The following PDE4A variants were observed in gnomAD, a reference collection of about 807,000 sequenced individuals.
PDE4A encodes phosphodiesterase 4A, also known as 3',5'-cyclic-AMP phosphodiesterase 4A.
Under a neutral mutation model 73.9 loss-of-function variants are expected in PDE4A, and 21 were observed. That is an observed-to-expected ratio of 0.28 (90% CI 0.20 to 0.41). PDE4A has a LOEUF of 0.41. PDE4A is among the 10% of genes least tolerant of loss of function. The probability of loss-of-function intolerance (pLI) is 1.00; values close to 1 mark genes in which losing one functional copy is unlikely to be tolerated. For synonymous variants in PDE4A, 463 were observed against 505.4 expected, an observed-to-expected ratio of 0.92 and a Z score of 1.13; for missense variants, 958 against 1,211.4, an observed-to-expected ratio of 0.79 and a Z score of 3.10.
At chr19:10,420,450 C>A, upstream of PDE4A, 1 of 300,556 alleles carries the variant, frequency 3.3e-6, no homozygotes, top group Non-Finnish European at 4.4e-6. This position sits in a 1 kb window ranked among gnomAD's most constrained non-coding sequence, Gnocchi z 6.0. Flanking sequence ...ACAGCCGCGG[C>A]GGGCGGGGGG....
chr19:10,428,783 T>C (rs2042750112), intron 1 of PDE4A: 1 of 985,240 alleles, frequency 1.0e-6, no homozygotes, highest in African/African-American at 1.7e-5. Flanking sequence ...CTGGGCCCCA[T>C]GGCATCAGAG....
intron 1 of PDE4A, among the ~76,000 whole-genome samples, chr19:10,421,679 C>G (rs903967184): frequency 1.3e-5 from 2 of 152,078 alleles, no homozygotes; most frequent in Non-Finnish European, 2.9e-5. Flanking sequence ...GAGTTCCCCT[C>G]TCAGGGCAAG....
At chr19:10,435,205 C>T (rs1171471971) in intron 1 of PDE4A, among the ~76,000 whole-genome samples, 1 of 152,052 alleles carries the variant, frequency 6.6e-6, no homozygotes, top group African/African-American at 2.4e-5. Context: ...GGTGGGAAGG[C>T]CTAGGGGCCA....
At chr19:10,423,996 A>G (rs746221613) in intron 1 of PDE4A, among the ~76,000 whole-genome samples, 5 of 152,238 alleles carry the variant, frequency 3.3e-5, no homozygotes, top group Non-Finnish European at 4.4e-5. Flanking sequence ...ACCAGGGCAC[A>G]TACAGGATTC....
In PDE4A at chr19:10,458,386, C is replaced by A. The variant is rs74505974; in HGVS notation, c.1101+284C>A. On this transcript the variant is annotated intron_variant, in intron 8 of 14. Coordinates refer to ENST00000380702, the MANE Select transcript of PDE4A (RefSeq NM_001111307.2). This position sits in a 1 kb window ranked among gnomAD's most constrained non-coding sequence, Gnocchi z 4.6. The stretch of plus-strand genomic sequence containing the variant: ...GCTGTGAGCCTTAGCAGGCAACACT[C>A]CCAGCTGCAGAGGGATTGGTGTACA... 5.3e-5 allele frequency among the ~76,000 whole-genome samples: 8 copies of A among 152,214 alleles called. No individual in the cohort carries two copies. The highest frequency in any genetic ancestry group is 1.9e-4 in the African/African-American group (8 of 41,540).
At chr19:10,465,737 G>C (rs552048117) in intron 14 of PDE4A, among the ~76,000 whole-genome samples, 1 of 106,192 alleles carries the variant, frequency 9.4e-6, no homozygotes, top group Admixed American at 1.5e-4. Context: ...TCTCACTCTC[G>C]TTCCCCAGGC....
Position 10,461,439 on chromosome 19 carries a change from G to T in PDE4A, c.1466-87G>T, listed in dbSNP as rs1399574374. 2.6e-6 allele frequency: 4 copies of T among 1,563,512 alleles called. No homozygotes were observed. In the African/African-American group the frequency reaches 4.0e-5, roughly 16 times the overall value. ...AGGCGAGGCTGGCCGGGCTGGGGAG[G>T]GGTTAGCTAGTTGGGGGCGGAGCTG... On this transcript the variant is annotated intron_variant, in intron 11 of 14. Coordinates refer to ENST00000380702, the MANE Select transcript of PDE4A (RefSeq NM_001111307.2).
intron 8 of PDE4A, 39 bp from the exon 9 acceptor site, chr19:10,459,360 GC>G (rs748387358): frequency 3.1e-6 from 5 of 1,614,090 alleles, no homozygotes; most frequent in Non-Finnish European, 4.2e-6. Context: ...AGGGCCCTGA[GC>G]CTTACAGGCT....
chr19:10,459,515 G>T lies in PDE4A; in HGVS notation c.1200+17G>T, dbSNP rs1958083560. 1.2e-6 allele frequency: 2 copies of T among 1,612,392 alleles called. No individual in the cohort carries two copies. The highest frequency in any genetic ancestry group is 1.7e-6 in the Non-Finnish European group (2 of 1,178,574). ...ATATTCCAGGTGATGGGGACAGCTG[G>T]GAGTGGGCCCGGGTGAGGGGCTCAT... On this transcript the variant is annotated intron_variant, in intron 9 of 14. Coordinates refer to ENST00000380702, the MANE Select transcript of PDE4A (RefSeq NM_001111307.2).
intron 2 of PDE4A, among the ~76,000 whole-genome samples, chr19:10,448,411 T>C (rs1386667998): frequency 6.6e-6 from 1 of 151,624 alleles, no homozygotes; most frequent in Admixed American, 6.6e-5. Context: ...CCAAAGTGGG[T>C]AGATTGTTCC....
chr19:10,448,783 C>A, intron 2 of PDE4A, 134 bp from the exon 3 acceptor site: 2 of 1,504,168 alleles, frequency 1.3e-6, no homozygotes, highest in African/African-American at 2.8e-5. Flanking sequence ...TTATGCAGTA[C>A]AAGTGTTCTT....
At chr19:10,464,798 A>T (rs1220216947) in intron 14 of PDE4A, among the ~76,000 whole-genome samples, 3 of 150,996 alleles carry the variant, frequency 2.0e-5, no homozygotes, top group Admixed American at 6.6e-5. Flanking sequence ...GCTCACTGCA[A>T]CCTCCACCTC....
chr19:10,420,917 C>A lies in PDE4A; in HGVS notation c.153C>A (p.Ser51Arg), dbSNP rs768022570. 35 of 1,582,330 alleles carry A rather than the reference C, an allele frequency of 2.2e-5. No individual in the cohort carries two copies. The highest frequency in any genetic ancestry group is 2.3e-5 in the Non-Finnish European group (27 of 1,173,324). ...IRIQQRGYSD[S>R]AERAERERQP... ...TCCAGCAGCGCGGCTACTCCGACAG[C>A]GCGGAGCGCGCCGAGCGGGAGCGGC... The change falls in exon 1 of 15, where the codon AGC (serine) becomes AGA (arginine). Residue 51 changes from serine (S) to arginine (R), a missense_variant. Around this residue, in one of 3 missense-constraint regions of PDE4A, gnomAD observed 145 missense variants for 137.8 expected, o/e 1.05. Coordinates refer to ENST00000380702, the MANE Select transcript of PDE4A (RefSeq NM_001111307.2). The surrounding 1 kb of genome is among the most constrained non-coding windows in gnomAD (Gnocchi z 6.0).
Position 10,450,818 on chromosome 19 carries a change from C to A in PDE4A, c.671-11C>A. On this transcript the variant is annotated splice_polypyrimidine_tract_variant and intron_variant, in intron 5 of 14. Transcript: ENST00000380702. ...CCTTCTCAGTCACTACCCTGGCTGC[C>A]CCTTCCTTAGAAGAAACGTGTCAGC... The A allele has an allele frequency of 6.2e-7, 1 of 1,601,604 alleles. No individual in the cohort carries two copies. The highest frequency in any genetic ancestry group is 8.5e-7 in the Non-Finnish European group (1 of 1,174,336).
chr19:10,447,685 A>G (rs1657593688), intron 2 of PDE4A, among the ~76,000 whole-genome samples: 1 of 152,018 alleles, frequency 6.6e-6, no homozygotes, highest in Non-Finnish European at 1.5e-5. Flanking sequence ...ACTTTATAGC[A>G]TGTCCAGCCA....
chr19:10,467,710 G>A lies in PDE4A; in HGVS notation c.*89G>A, dbSNP rs2043404781. The A allele has an allele frequency of 5.2e-6, 5 of 957,842 alleles. No individual in the cohort carries two copies. Among genetic ancestry groups the A allele is most frequent in the South Asian group, 4.0e-5 (2 of 50,414 alleles). 59.3% of individuals were successfully genotyped at this position (957,842 alleles called of 1,614,324 possible). Reference sequence around the variant, plus strand: ...CTCCTCCTCTGCCTCAAAGACTCTTGTCCTCTTGTCCCTCCTGAGAAAAAA... The same window carrying A: ...CTCCTCCTCTGCCTCAAAGACTCTTATCCTCTTGTCCCTCCTGAGAAAAAA... On this transcript the variant is annotated 3_prime_UTR_variant, in exon 15 of 15. Coordinates refer to ENST00000380702, the MANE Select transcript of PDE4A (RefSeq NM_001111307.2).
rs567073008 is a variant in PDE4A at position 10,465,799 on chromosome 19, C to T, written c.1927-1088C>T. Among the ~76,000 whole-genome samples, 168 of 140,476 alleles carry T rather than the reference C, an allele frequency of 1.2e-3. 2 individuals carry two copies. The highest frequency in any genetic ancestry group is 4.2e-3 in the Middle Eastern group (1 of 236). The allele number at this position is 140,476 out of a possible 152,430, so 92.2% of individuals were successfully genotyped here. A position where few individuals can be genotyped will look rare whatever the true frequency, so the allele number is the denominator to read the frequency against. ...CACTGCAACCTCTGCCTCCCGGGTT[C>T]GAGCCATTGTCCTGCCTCAGCCTCC... On this transcript the variant is annotated intron_variant, in intron 14 of 14. Transcript: ENST00000380702.
At position 10,433,111 on chromosome 19, in the gene PDE4A, G is replaced by A. The variant is rs575074838; in HGVS notation, c.320+12027G>A. On this transcript the variant is annotated intron_variant, in intron 1 of 14. Transcript: ENST00000380702. ...GGCCTTTAAGTTCTCAGAATTCTCA[G>A]GGGTTTCTAGCCTTGTTCTTGCTTT... Among the ~76,000 whole-genome samples, 42 of 152,252 alleles carry A rather than the reference G, an allele frequency of 2.8e-4. No homozygotes were observed. The South Asian group carries it at 8.1e-3, about 29-fold the overall frequency.
chr19:10,430,976 G>A (rs1338049457), intron 1 of PDE4A: 7 of 1,552,716 alleles, frequency 4.5e-6, no homozygotes, highest in Admixed American at 1.8e-5. Context: ...GCCCGCGTTC[G>A]CCGCCCTCCT....
Sources: gnomAD v4.1 joint callset for allele counts (sites outside exome capture counted in the v4.1 genomes callset) on GRCh38, gnomAD v4.1.1 for gene constraint, gnomAD v4.1.1 regional missense constraint, Gnocchi (gnomAD v3.1) non-coding constraint, MANE v1.5 for transcripts, NCBI Gene and HGNC (gene_info 2026-07-23, HGNC 2026-07-21) for gene names.